The following POU2F3 variants were observed in gnomAD, a reference collection of about 807,000 sequenced individuals.
The protein encoded by POU2F3 is POU class 2 homeobox 3.
In POU2F3, 23 loss-of-function variants were observed where a neutral mutation model predicts 59.2. The observed-to-expected ratio is 0.39, with a 90% confidence interval of 0.28 to 0.55. The LOEUF (loss-of-function observed/expected upper bound fraction) is 0.55, where lower values mean the gene tolerates loss of function less well. Ranked by LOEUF, POU2F3 falls within the 20% of genes least tolerant of loss-of-function variation. The pLI is 0.66. For missense variants in POU2F3, 473 were observed against 544.5 expected, an observed-to-expected ratio of 0.87 and a Z score of 1.31; for synonymous variants, 190 against 214.6, an observed-to-expected ratio of 0.89 and a Z score of 1.00.
chr11:120,293,999 G>T (rs950717249), intron 3 of POU2F3, among the ~76,000 whole-genome samples: 2 of 152,180 alleles, frequency 1.3e-5, no homozygotes, highest in African/African-American at 4.8e-5. Context: ...GAGCCTCTGT[G>T]AGATGGAAGG....
chr11:120,251,759 A>G (rs554361663), intron 2 of POU2F3, among the ~76,000 whole-genome samples: 1 of 151,266 alleles, frequency 6.6e-6, no homozygotes, highest in East Asian at 1.9e-4. Context: ...TTATATCTCT[A>G]AGAAAAACCA....
At chr11:120,246,555 G>C (rs1164127533) in intron 2 of POU2F3, 38 bp downstream of exon 2, 1 of 1,601,218 alleles carries the variant, frequency 6.2e-7, no homozygotes, top group Non-Finnish European at 8.5e-7. Context: ...AGGGGGTGGG[G>C]GGAAGAGAGT....
rs1427729145 is a variant in POU2F3, at chr11:120,281,766, T to C, written c.132+12522T>C. On this transcript the variant is annotated intron_variant, in intron 3 of 12. Coordinates refer to ENST00000543440, the MANE Select transcript of POU2F3 (RefSeq NM_014352.4). ...GTGGTTGCAGATCGAGCTCTGGCAT[T>C]ACACAGACCTGGCTTTGAATCTTGG... 1.8e-4 allele frequency among the ~76,000 whole-genome samples: 27 copies of C among 152,172 alleles called. 1 individual carries two copies. Among genetic ancestry groups the C allele is most frequent in the Admixed American group, 1.8e-3 (27 of 15,274 alleles).
intron 2 of POU2F3, among the ~76,000 whole-genome samples, chr11:120,263,403 C>T (rs1029839137): frequency 6.6e-6 from 1 of 152,170 alleles, no homozygotes; most frequent in Non-Finnish European, 1.5e-5. Context: ...TACATTTTAT[C>T]TTGTTGGTTT....
At chr11:120,305,894 T>C in intron 8 of POU2F3, 109 bp downstream of exon 8, 1 of 1,352,914 alleles carries the variant, frequency 7.4e-7, no homozygotes, top group Non-Finnish European at 1.0e-6. Flanking sequence ...CACCCCCTTC[T>C]TCTCCTGAGA....
chr11:120,283,918 G>C (rs1275824611), intron 3 of POU2F3, among the ~76,000 whole-genome samples: 1 of 145,952 alleles, frequency 6.9e-6, no homozygotes. Context: ...GGTGCATTCA[G>C]TAAGTGTGTT....
In POU2F3 at chr11:120,240,332, G is replaced by T. The variant is rs10790371; in HGVS notation, c.-12G>T. The T allele has an allele frequency of 6.5e-6, 9 of 1,387,140 alleles. No individual in the cohort carries two copies. The highest frequency in any genetic ancestry group is 1.9e-4 in the Middle Eastern group (1 of 5,258). The allele number at this position is 1,387,140 out of a possible 1,614,324, so 85.9% of individuals were successfully genotyped here. A position where few individuals can be genotyped will look rare whatever the true frequency, so the allele number is the denominator to read the frequency against. Reference sequence around the variant, plus strand: ...CTGGGGGGGCGCTGGCTTTGGCCCCGCCTGGGGCAGGATGGTGAATCTGGA... The same window carrying T: ...CTGGGGGGGCGCTGGCTTTGGCCCCTCCTGGGGCAGGATGGTGAATCTGGA... On this transcript the variant is annotated 5_prime_UTR_variant, in exon 1 of 13. Transcript: ENST00000543440.
At chr11:120,300,328 A>G (rs1941311728) in intron 5 of POU2F3, among the ~76,000 whole-genome samples, 1 of 152,210 alleles carries the variant, frequency 6.6e-6, no homozygotes, top group South Asian at 2.1e-4. Context: ...ATTCCTCAAA[A>G]TAACCTTGTA....
upstream of POU2F3, among the ~76,000 whole-genome samples, chr11:120,238,109 G>T (rs1024902071): frequency 1.3e-5 from 2 of 152,024 alleles, no homozygotes; most frequent in South Asian, 2.1e-4. Context: ...GCATGGTGGC[G>T]CATGCCTGTA....
rs1366429989 is a variant in POU2F3 at position 120,307,504 on chromosome 11, G to A, written c.795G>A (p.Val265=). ...DAESSPSDPS[V]STPSSYPSLS... Reference sequence around the variant, plus strand: ...AGTCCTCTCCGTCAGACCCCTCAGTGAGCACGCCCAGCTCCTACCCCAGCC... The same window carrying A: ...AGTCCTCTCCGTCAGACCCCTCAGTAAGCACGCCCAGCTCCTACCCCAGCC... The change falls in exon 9 of 13, where the codon GTG becomes GTA. Residue 265 remains valine, a synonymous_variant. Coordinates refer to ENST00000543440, the MANE Select transcript of POU2F3 (RefSeq NM_014352.4). 1.2e-6 allele frequency: 2 copies of A among 1,614,188 alleles called. No homozygotes were observed. Among genetic ancestry groups the A allele is most frequent in the Non-Finnish European group, 8.5e-7 (1 of 1,180,026 alleles).
At position 120,278,226 on chromosome 11, in the gene POU2F3, A is replaced by G. The variant is rs1441108219; in HGVS notation, c.132+8982A>G. 5.3e-5 allele frequency among the ~76,000 whole-genome samples: 8 copies of G among 152,248 alleles called. No individual in the cohort carries two copies. The South Asian group carries it at 8.3e-4, about 16-fold the overall frequency. On this transcript the variant is annotated intron_variant, in intron 3 of 12. Transcript: ENST00000543440. ...GTCCGGTGGGGCACTTGGAAGTCAT[A>G]TAAAAAGTTGTATGGGATGCAAAGA...
At chr11:120,265,681 T>A (rs79063109) in intron 2 of POU2F3, among the ~76,000 whole-genome samples, 3,721 of 152,326 alleles carry the variant, frequency 0.024, 58 homozygotes, top group Non-Finnish European at 0.04. Flanking sequence ...ACTAACAACA[T>A]CATAATGGCA....
intron 3 of POU2F3, among the ~76,000 whole-genome samples, chr11:120,289,668 C>T (rs945866411): frequency 6.6e-6 from 1 of 152,028 alleles, no homozygotes; most frequent in Non-Finnish European, 1.5e-5. Flanking sequence ...TCTTCCACTT[C>T]CGCTTCTTCC....
At chr11:120,315,254 C>G (rs1941754695) in intron 10 of POU2F3, 107 bp from the exon 11 acceptor site, 4 of 1,047,666 alleles carry the variant, frequency 3.8e-6, no homozygotes, top group Non-Finnish European at 5.8e-6. Flanking sequence ...ACCAAGGAAG[C>G]CAAGCCCTGG....
At chr11:120,297,934 C>CTTT (rs1269545267) in intron 3 of POU2F3, among the ~76,000 whole-genome samples, 1 of 143,388 alleles carries the variant, frequency 7.0e-6, no homozygotes, top group African/African-American at 2.7e-5. Context: ...CCATGCCTGG[C>CTTT]TATTTTTTTT....
chr11:120,307,524 C>T lies in POU2F3; in HGVS notation c.815C>T (p.Pro272Leu). The T allele has an allele frequency of 6.2e-7, 1 of 1,614,188 alleles. No individual in the cohort carries two copies. The highest frequency in any genetic ancestry group is 2.2e-5 in the East Asian group (1 of 44,884). ...DPSVSTPSSY[P>L]SLSEVFGRKR... is the part of the protein sequence containing the mutation. The stretch of plus-strand genomic sequence containing the variant: ...TCAGTGAGCACGCCCAGCTCCTACC[C>T]CAGCCTCAGTGAAGTATTTGGTAGG... The change falls in exon 9 of 13, where the codon CCC becomes CTC. Residue 272 changes from proline (P) to leucine (L), a missense_variant. Pro to Leu is a moderately conservative substitution (Grantham distance 98). Transcript: ENST00000543440.
At chr11:120,310,790 T>C (rs905984099) in intron 10 of POU2F3, among the ~76,000 whole-genome samples, 1 of 152,234 alleles carries the variant, frequency 6.6e-6, no homozygotes, top group African/African-American at 2.4e-5. Context: ...GACTACCTTC[T>C]ATATATTGTG....
intron 2 of POU2F3, among the ~76,000 whole-genome samples, chr11:120,247,478 C>T (rs1437388241): frequency 6.6e-6 from 1 of 152,132 alleles, no homozygotes; most frequent in East Asian, 1.9e-4. Flanking sequence ...TTTTCTGCTC[C>T]CCAGTTTAAT....
intron 6 of POU2F3, 111 bp from the exon 7 acceptor site, chr11:120,304,919 C>T: frequency 1.2e-6 from 1 of 850,702 alleles, no homozygotes; most frequent in African/African-American, 2.1e-5. Context: ...AGGGATCTGT[C>T]ATCCTCTAAG....
Sources: gnomAD v4.1 joint callset for allele counts (sites outside exome capture counted in the v4.1 genomes callset) on GRCh38, gnomAD v4.1.1 for gene constraint, MANE v1.5 for transcripts, NCBI Gene and HGNC (gene_info 2026-07-23, HGNC 2026-07-21) for gene names.